The following RYR3 variants were observed in gnomAD, a reference collection of about 807,000 sequenced individuals.
The protein encoded by RYR3 is brain ryanodine receptor-calcium release channel.
RYR3 carries 207 observed loss-of-function variants against 584.3 expected under a neutral mutation model. The observed-to-expected ratio is 0.35, with a 90% confidence interval of 0.32 to 0.40. The LOEUF is 0.40. Ranked by LOEUF, RYR3 falls within the 10% of genes least tolerant of loss-of-function variation. RYR3 has a pLI of 1.00. For synonymous variants in RYR3, 2,416 were observed against 2,248.5 expected (o/e 1.07, Z -2.11); for missense variants, 5,616 against 6,089.2 (o/e 0.92, Z 2.59).
chr15:33,394,068 C>T (rs1474940770), intron 1 of RYR3, among the ~76,000 whole-genome samples: 2 of 152,214 alleles, frequency 1.3e-5, no homozygotes, highest in Non-Finnish European at 2.9e-5. Context: ...GTGTTCTCTG[C>T]ACCATCTTGT....
intron 1 of RYR3, among the ~76,000 whole-genome samples, chr15:33,348,483 A>G (rs996447536): frequency 2.0e-5 from 3 of 151,702 alleles, no homozygotes; most frequent in African/African-American, 7.3e-5. Context: ...TTATTTATTT[A>G]TTTATTTTTG....
intron 31 of RYR3, among the ~76,000 whole-genome samples, chr15:33,651,865 A>C (rs1351285718): frequency 1.3e-5 from 2 of 152,180 alleles, no homozygotes; most frequent in Admixed American, 6.5e-5. Flanking sequence ...GACGTACACC[A>C]GTGTGGGCTT....
At chr15:33,480,062 T>A (rs1175136920) in intron 2 of RYR3, among the ~76,000 whole-genome samples, 1 of 152,204 alleles carries the variant, frequency 6.6e-6, no homozygotes, top group Non-Finnish European at 1.5e-5. Flanking sequence ...CCAGACATGG[T>A]AAGACTGGGG....
At chr15:33,775,328 G>A (rs917492659) in intron 64 of RYR3, among the ~76,000 whole-genome samples, 4 of 150 alleles carry the variant, frequency 0.027, no homozygotes, top group South Asian at 0.25. Context: ...GCTAGTTCTC[G>A]GGAGTGGAGA....
chr15:33,400,446 A>G (rs954149694), intron 1 of RYR3, among the ~76,000 whole-genome samples: 1 of 152,178 alleles, frequency 6.6e-6, no homozygotes, highest in African/African-American at 2.4e-5. Context: ...AAGCTAATTG[A>G]TGACACCTGA....
intron 1 of RYR3, among the ~76,000 whole-genome samples, chr15:33,407,553 T>C (rs1242493365): frequency 6.6e-6 from 1 of 152,154 alleles, no homozygotes; most frequent in African/African-American, 2.4e-5. Flanking sequence ...TGTGAGGATG[T>C]TGACTTGTAC....
At chr15:33,734,977 C>T (rs991191333) in intron 48 of RYR3, among the ~76,000 whole-genome samples, 17 of 151,946 alleles carry the variant, frequency 1.1e-4, no homozygotes, top group African/African-American at 4.1e-4. Flanking sequence ...AGGCGTGAGC[C>T]ACCGCGCCTG....
intron 1 of RYR3, among the ~76,000 whole-genome samples, chr15:33,350,651 T>A (rs1422878355): frequency 6.6e-6 from 1 of 151,962 alleles, no homozygotes; most frequent in East Asian, 1.9e-4. Flanking sequence ...AACCTGCTCC[T>A]GAATGACTAC....
chr15:33,487,468 A>G (rs753230653), intron 2 of RYR3, among the ~76,000 whole-genome samples: 12 of 152,166 alleles, frequency 7.9e-5, no homozygotes, highest in Non-Finnish European at 1.5e-4. Flanking sequence ...TGTAGCAGAT[A>G]GATGCTGGAT....
chr15:33,865,811 TTA>T lies in RYR3; in HGVS notation c.*587_*588del, dbSNP rs998263414. 9.8e-5 allele frequency: 15 copies of T among 152,902 alleles called. No homozygotes were observed. Among genetic ancestry groups the T allele is most frequent in the African/African-American group, 1.7e-4 (7 of 41,570 alleles). The allele number at this position is 152,902 out of a possible 1,614,324, so 9.5% of individuals were successfully genotyped here. A position where few individuals can be genotyped will look rare whatever the true frequency, so the allele number is the denominator to read the frequency against. On this transcript the variant is annotated 3_prime_UTR_variant, in exon 104 of 104. Transcript: ENST00000634891. ...CTTTAGACATAGCTATGCAAGTTTT[TTA>T]TGTTTGTGTTCCAGAAGGACAGTTC...
At chr15:33,822,858 T>TAAA (rs1213286994) in intron 80 of RYR3, 138 bp from the exon 81 acceptor site, 1 of 577,256 alleles carries the variant, frequency 1.7e-6, no homozygotes, top group Non-Finnish European at 3.0e-6. Context: ...ATAAACATGA[T>TAAA]CTACCCCATG....
Position 33,644,493 on chromosome 15 carries a change from G to C in RYR3, c.3739G>C (p.Val1247Leu). The C allele has an allele frequency of 6.2e-7, 1 of 1,613,698 alleles. No homozygotes were observed. Among genetic ancestry groups the C allele is most frequent in the East Asian group, 2.2e-5 (1 of 44,872 alleles). The change falls in exon 28 of 104, where the codon GTG becomes CTG. Residue 1247 changes from valine to leucine, a missense_variant. By Grantham distance (32) the Val-to-Leu change is conservative. This residue lies in a region of RYR3 where 753 missense variants were observed against 741.0 expected (regional missense o/e 1.02). Coordinates refer to ENST00000634891, the MANE Select transcript of RYR3 (RefSeq NM_001036.6). ...FSKRLPTFVN[V>L]PKDHPHIEVM... ...CAAGCGCCTCCCGACGTTTGTCAAC[G>C]TGCCAAAGGATCATCCACACATAGA...
chr15:33,448,651 G>T (rs1222260524), intron 1 of RYR3, among the ~76,000 whole-genome samples: 1 of 152,242 alleles, frequency 6.6e-6, no homozygotes, highest in Non-Finnish European at 1.5e-5. Flanking sequence ...CAAAGGTGAA[G>T]TTTATCCAGA....
rs1456979644 is a variant in RYR3 at position 33,768,663 on chromosome 15, T to A, written c.8711T>A (p.Phe2904Tyr). The A allele has an allele frequency of 6.2e-7, 1 of 1,613,886 alleles. No homozygotes were observed. The highest frequency in any genetic ancestry group is 8.5e-7 in the Non-Finnish European group (1 of 1,179,870). The change falls in exon 61 of 104, where the codon TTC (phenylalanine) becomes TAC (tyrosine). Residue 2904 changes from phenylalanine (F) to tyrosine (Y), a missense_variant. Coordinates refer to ENST00000634891, the MANE Select transcript of RYR3 (RefSeq NM_001036.6). ...TGCTTTCTTTTCTGCTTCAGCCTGT[T>A]CTGCAAACTTGCCGCTCTCGTTAGA... ...HKEKEMVAGL[F>Y]CKLAALVRHR...
At chr15:33,505,654 G>T (rs972106425) in intron 3 of RYR3, among the ~76,000 whole-genome samples, 6 of 152,128 alleles carry the variant, frequency 3.9e-5, no homozygotes, top group Non-Finnish European at 7.3e-5. Context: ...ACCATGCCCG[G>T]CTAATTTTTT....
intron 12 of RYR3, among the ~76,000 whole-genome samples, chr15:33,574,955 TG>T (rs1415326044): frequency 6.6e-6 from 1 of 151,744 alleles, no homozygotes; most frequent in Non-Finnish European, 1.5e-5. Context: ...AAATGCAAAG[TG>T]GAAAAAAGCA....
intron 1 of RYR3, among the ~76,000 whole-genome samples, chr15:33,372,949 T>C (rs2040448773): frequency 6.6e-6 from 1 of 152,222 alleles, no homozygotes. Flanking sequence ...ACCTGGTAGA[T>C]AGCCTGGCAG....
intron 67 of RYR3, among the ~76,000 whole-genome samples, chr15:33,799,864 AG>A (rs1443975433): frequency 1.3e-5 from 2 of 152,196 alleles, no homozygotes; most frequent in African/African-American, 4.8e-5. Context: ...GAAGAGTTGA[AG>A]AATTGTTTTA....
chr15:33,676,241 T>TG (rs371854845), intron 38 of RYR3, among the ~76,000 whole-genome samples: 3 of 143,318 alleles, frequency 2.1e-5, no homozygotes, highest in South Asian at 2.3e-4. Context: ...CTCTAGAAGG[T>TG]AAAAAAAAAA....
Sources: allele counts gnomAD v4.1 joint callset (sites outside exome capture counted in the v4.1 genomes callset), GRCh38; gene constraint gnomAD v4.1.1; regional missense constraint gnomAD v4.1.1; transcripts MANE v1.5; gene names NCBI Gene and HGNC (gene_info 2026-07-23, HGNC 2026-07-21).